HEXA: variants seen among roughly 807,000 people sequenced by gnomAD.
HEXA encodes beta-hexosaminidase subunit alpha.
A neutral mutation model predicts 73.3 loss-of-function variants in HEXA; 54 were observed. The observed-to-expected ratio is 0.74, with a 90% confidence interval of 0.59 to 0.92. The LOEUF is 0.92. HEXA is among the 40% of genes least tolerant of loss of function. HEXA has a pLI of 0.00. For missense variants in HEXA, 649 were observed against 653.0 expected, an observed-to-expected ratio of 0.99 and a Z score of 0.07; for synonymous variants, 230 against 246.9, an observed-to-expected ratio of 0.93 and a Z score of 0.64.
intron 6 of HEXA, 48 bp from the exon 7 acceptor site, chr15:72,350,698 C>G: frequency 6.2e-7 from 1 of 1,612,194 alleles, no homozygotes. Flanking sequence ...TGAAAGCTAG[C>G]AGAGTAGAAG....
At chr15:72,372,489 C>T (rs749517317) in intron 1 of HEXA, among the ~76,000 whole-genome samples, 1 of 152,192 alleles carries the variant, frequency 6.6e-6, no homozygotes, top group Non-Finnish European at 1.5e-5. Context: ...TAGATGGGTG[C>T]CATTCCAAAT....
At position 72,351,176 on chromosome 15, in the gene HEXA, G is replaced by C. The variant is rs121907961; in HGVS notation, c.629C>G (p.Ser210Cys). The C allele has an allele frequency of 6.2e-7, 1 of 1,613,268 alleles. No homozygotes were observed. The highest frequency in any genetic ancestry group is 8.5e-7 in the Non-Finnish European group (1 of 1,179,202). ...VFHWHLVDDP[S>C]FPYESFTFPE... The stretch of plus-strand genomic sequence containing the variant: ...AAAAGTGAAGCTCTCATATGGGAAG[G>C]AAGGATCATCTACCAGATGCCAGTG... The change falls in exon 6 of 14, where the codon TCC (serine) becomes TGC (cysteine). Residue 210 changes from serine to cysteine, a missense_variant. By Grantham distance (112) the Ser-to-Cys change is moderately radical (BLOSUM62 -1). Transcript: ENST00000268097.
In HEXA at chr15:72,354,014, T is replaced by G. The variant is rs1030258010; in HGVS notation, c.413-277A>C. On this transcript the variant is annotated intron_variant, in intron 3 of 13. Transcript: ENST00000268097. Reference sequence around the variant, plus strand: ...CTTCAAAACCCACATACCTCTTATCTATATTTCCTGTGCCTTCACAAGAAT... The same window carrying G: ...CTTCAAAACCCACATACCTCTTATCGATATTTCCTGTGCCTTCACAAGAAT... The G allele has an allele frequency of 2.0e-5, 11 of 538,038 alleles. No individual in the cohort carries two copies. The South Asian group carries it at 2.1e-4, about 10-fold the overall frequency. 33.3% of individuals were successfully genotyped at this position (538,038 alleles called of 1,614,324 possible). A position where few individuals can be genotyped will look rare whatever the true frequency, so the allele number is the denominator to read the frequency against.
chr15:72,344,039 A>C lies in HEXA; in HGVS notation c.*38T>G. The C allele has an allele frequency of 1.3e-6, 2 of 1,574,896 alleles. No homozygotes were observed. The highest frequency in any genetic ancestry group is 1.7e-6 in the Non-Finnish European group (2 of 1,144,828). On this transcript the variant is annotated 3_prime_UTR_variant, in exon 14 of 14. Transcript: ENST00000268097. The stretch of plus-strand genomic sequence containing the variant: ...GCAGTGGAAGCCTGGCTCCACTACC[A>C]TTCACCTACAGCCAGCACCCTCCTC...
At position 72,375,735 on chromosome 15, in the gene HEXA, G is replaced by T. The variant is rs1240272655; in HGVS notation, c.238C>A (p.Arg80Ser). Residue 80 changes from arginine to serine, a missense_variant, in exon 1 of 14, where the codon CGT (arginine) becomes AGT (serine). Transcript: ENST00000268097. ...DLLFGSGSWPRPYLTGKRHTL... is the reference protein window; with the variant it reads ...DLLFGSGSWPSPYLTGKRHTL... Reference sequence around the variant, plus strand: ...TCCGACTCACCTGTGAGGTAAGGACGGGGCCAAGACCCGGAACCGAAAAGC... The same window carrying T: ...TCCGACTCACCTGTGAGGTAAGGACTGGGCCAAGACCCGGAACCGAAAAGC... 6 of 1,614,166 alleles carry T rather than the reference G, an allele frequency of 3.7e-6. No individual in the cohort carries two copies. Among genetic ancestry groups the T allele is most frequent in the Non-Finnish European group, 5.1e-6 (6 of 1,180,032 alleles).
At chr15:72,345,752 GGT>G in intron 12 of HEXA, 1 of 699,636 alleles carries the variant, frequency 1.4e-6, no homozygotes, top group Non-Finnish European at 2.4e-6. Context: ...TTAAAATGTG[GGT>G]AGCAATCCCA....
chr15:72,352,951 A>G, intron 5 of HEXA, 117 bp downstream of exon 5: 1 of 723,130 alleles, frequency 1.4e-6, no homozygotes. Context: ...GGCATGAGCC[A>G]CCACACCCAG....
At chr15:72,347,589 A>C in intron 10 of HEXA, 97 bp downstream of exon 10, 1 of 1,010,556 alleles carries the variant, frequency 9.9e-7, no homozygotes, top group East Asian at 2.4e-5. Context: ...AGCCCAATCC[A>C]AACCAGGAGG....
In HEXA at chr15:72,342,943, C is replaced by G. The variant is rs902393234; in HGVS notation, c.*1134G>C. On this transcript the variant is annotated 3_prime_UTR_variant, in exon 14 of 14. Transcript: ENST00000268097. ...TCTACTAAAAATAGATGAATTCGGC[C>G]GGGCGCGGTGGCTCACGCCTGTAAT... 2.0e-5 allele frequency: 3 copies of G among 152,288 alleles called. No individual in the cohort carries two copies. The allele number at this position is 152,288 out of a possible 1,614,324, so 9.4% of individuals were successfully genotyped here.
In HEXA at chr15:72,348,124, G is replaced by T; in HGVS notation, c.997C>A (p.Pro333Thr). The change falls in exon 9 of 14, where the codon CCA (proline) becomes ACA (threonine). Residue 333 changes from proline to threonine, a missense_variant. By Grantham distance (38) the Pro-to-Thr change is conservative. Transcript: ENST00000268097. ...TTCCTCATAAAGTCCTGGATCTCTG[G>T]GTTGGACTTCCTGAATCCCAAGAGA... ...EVDFTCWKSNPEIQDFMRKKG... is the reference protein window; with the variant it reads ...EVDFTCWKSNTEIQDFMRKKG... 6.2e-7 allele frequency: 1 copy of T among 1,610,296 alleles called. No individual in the cohort carries two copies. Among genetic ancestry groups the T allele is most frequent in the South Asian group, 1.1e-5 (1 of 91,002 alleles).
rs1213278112 is a variant in HEXA at position 72,342,465 on chromosome 15, C to T, written c.*1612G>A. The T allele has an allele frequency of 6.6e-6, 1 of 152,282 alleles. No homozygotes were observed. Among genetic ancestry groups the T allele is most frequent in the East Asian group, 1.9e-4 (1 of 5,196 alleles). 9.4% of individuals were successfully genotyped at this position (152,282 alleles called of 1,614,324 possible). A position where few individuals can be genotyped will look rare whatever the true frequency, so the allele number is the denominator to read the frequency against. On this transcript the variant is annotated 3_prime_UTR_variant, in exon 14 of 14. Coordinates refer to ENST00000268097, the MANE Select transcript of HEXA (RefSeq NM_000520.6). ...TGGAACCTGTCCATTGTTACCCCAG[C>T]CCAGGGCCCAGCCAAAGAACTTAAC...
At chr15:72,345,644 G>A (rs1339891628) in intron 12 of HEXA, 94 bp from the exon 13 acceptor site, 1 of 1,562,044 alleles carries the variant, frequency 6.4e-7, no homozygotes, top group East Asian at 2.3e-5. Flanking sequence ...TAGGCACCCT[G>A]GACTCACTCA....
At chr15:72,356,425 G>C in intron 2 of HEXA, 100 bp downstream of exon 2, 1 of 1,286,492 alleles carries the variant, frequency 7.8e-7, no homozygotes, top group Non-Finnish European at 1.1e-6. Flanking sequence ...GGTCAAGGGG[G>C]ACTCCAGGCC....
At chr15:72,367,854 C>T (rs1394298737) in intron 1 of HEXA, among the ~76,000 whole-genome samples, 2 of 152,218 alleles carry the variant, frequency 1.3e-5, no homozygotes, top group Non-Finnish European at 2.9e-5. Flanking sequence ...ACTTTTAGAT[C>T]TCCTTCAACA....
chr15:72,369,453 T>C (rs1472331025), intron 1 of HEXA, among the ~76,000 whole-genome samples: 1 of 152,228 alleles, frequency 6.6e-6, no homozygotes, highest in South Asian at 2.1e-4. Context: ...TTATCACTTA[T>C]TTTCAGGACC....
chr15:72,349,486 A>G (rs2088667061), intron 7 of HEXA, among the ~76,000 whole-genome samples: 1 of 152,260 alleles, frequency 6.6e-6, no homozygotes, highest in Non-Finnish European at 1.5e-5. Context: ...GCTAAGTTCC[A>G]GCCAGACAAC....
rs77791432 is a variant in HEXA, at chr15:72,368,181, T to C, written c.253+7539A>G. 1.5e-3 allele frequency among the ~76,000 whole-genome samples: 233 copies of C among 152,334 alleles called. 6 individuals carry two copies. The East Asian group carries it at 0.023, about 15-fold the overall frequency. On this transcript the variant is annotated intron_variant, in intron 1 of 13. Coordinates refer to ENST00000268097, the MANE Select transcript of HEXA (RefSeq NM_000520.6). ...AATGGGCCAGGGATCAAAATATTCA[T>C]AACCTGAGTGCTTATGAGTAACTAG...
At chr15:72,349,423 C>T (rs2088666446) in intron 7 of HEXA, among the ~76,000 whole-genome samples, 164 bp from the exon 8 acceptor site, 1 of 152,234 alleles carries the variant, frequency 6.6e-6, no homozygotes, top group Non-Finnish European at 1.5e-5. Context: ...TGGTAGTCAC[C>T]ACCATTTAGT....
At chr15:72,356,409 C>T in intron 2 of HEXA, 116 bp downstream of exon 2, 1 of 1,098,552 alleles carries the variant, frequency 9.1e-7, no homozygotes, top group Admixed American at 2.0e-5. Context: ...GACCCTCGGT[C>T]CCCAGGGTCA....
Sources: gnomAD v4.1 joint callset for allele counts (sites outside exome capture counted in the v4.1 genomes callset) on GRCh38, gnomAD v4.1.1 for gene constraint, MANE v1.5 for transcripts, NCBI Gene and HGNC (gene_info 2026-07-23, HGNC 2026-07-21) for gene names.